OSGIN2: variants seen among roughly 807,000 people sequenced by gnomAD.
The protein encoded by OSGIN2 is oxidative stress-induced growth inhibitor 2.
A neutral mutation model predicts 53.8 loss-of-function variants in OSGIN2; 19 were observed. The ratio of observed to expected loss-of-function variants is 0.35; its 90% CI spans 0.25 to 0.52. The LOEUF is 0.52. OSGIN2 is among the 20% of genes least tolerant of loss of function. The pLI, the probability that OSGIN2 is intolerant of heterozygous loss-of-function variation, is 0.95. For synonymous variants in OSGIN2, 236 were observed against 236.0 expected, an observed-to-expected ratio of 1.00 and a Z score of 0.00; for missense variants, 520 against 662.7, an observed-to-expected ratio of 0.78 and a Z score of 2.36.
At chr8:89,913,902 A>G (rs541897059) in intron 2 of OSGIN2, among the ~76,000 whole-genome samples, 175 bp from the exon 3 acceptor site, 2 of 152,302 alleles carry the variant, frequency 1.3e-5, no homozygotes, top group East Asian at 3.9e-4. Flanking sequence ...TGAGATTCCC[A>G]AAAGAAAATA....
chr8:89,920,628 T>G (rs368292748), intron 4 of OSGIN2, among the ~76,000 whole-genome samples: 1 of 152,220 alleles, frequency 6.6e-6, no homozygotes, highest in African/African-American at 2.4e-5. Flanking sequence ...GGGAAAAGCT[T>G]CTTTGTTGCT....
chr8:89,919,690 C>T (rs1809156696), intron 4 of OSGIN2, among the ~76,000 whole-genome samples: 1 of 152,188 alleles, frequency 6.6e-6, no homozygotes, highest in Non-Finnish European at 1.5e-5. Context: ...TTAATCCTTT[C>T]AGGCACAAGG....
At chr8:89,902,980 T>G (rs1236254345) in intron 1 of OSGIN2, 143 bp downstream of exon 1, 13 of 219,392 alleles carry the variant, frequency 5.9e-5, no homozygotes, top group South Asian at 1.1e-4. Flanking sequence ...CTGCCTGGCG[T>G]GGGGGTGGGG....
rs1312671425 is a variant in OSGIN2, at chr8:89,924,956, T to G, written c.1074T>G (p.Ala358=). Residue 358 remains alanine, a synonymous_variant, in exon 6 of 6, where the codon GCT becomes GCG. Coordinates refer to ENST00000451899, the MANE Select transcript of OSGIN2 (RefSeq NM_001126111.3). The stretch of plus-strand genomic sequence containing the variant: ...TTGTAGGTTCTGGGCTTACTGCCGC[T>G]GACGCAGTACTGTGTGCTTACAACA... ...VLIVGSGLTA[A]DAVLCAYNSN... 8.7e-6 allele frequency: 14 copies of G among 1,613,924 alleles called. No individual in the cohort carries two copies. Among genetic ancestry groups the G allele is most frequent in the Non-Finnish European group, 1.2e-5 (14 of 1,179,870 alleles).
chr8:89,913,934 AT>A lies in OSGIN2; in HGVS notation c.200-142del, dbSNP rs1299438224. The stretch of plus-strand genomic sequence containing the variant: ...AATAGGAGAGAAGGCAGAGGTTAAA[AT>A]CTCATGAAACATCTGGTTTTAAGAG... On this transcript the variant is annotated intron_variant, in intron 2 of 5. Coordinates refer to ENST00000451899, the MANE Select transcript of OSGIN2 (RefSeq NM_001126111.3). 4.3e-6 allele frequency: 3 copies of A among 704,600 alleles called. No individual in the cohort carries two copies. The East Asian group carries it at 8.2e-5, about 19-fold the overall frequency. 43.6% of individuals were successfully genotyped at this position (704,600 alleles called of 1,614,324 possible).
chr8:89,909,494 G>A lies in OSGIN2; in HGVS notation c.45-73G>A, dbSNP rs555182519. ...AAATATTTTATGTCTAAATAAACTC[G>A]GAGTAGAGATTGATTTTTATAAAGG... On this transcript the variant is annotated intron_variant, in intron 1 of 5. Transcript: ENST00000451899. 32 of 729,760 alleles carry A rather than the reference G, an allele frequency of 4.4e-5. No homozygotes were observed. In the East Asian group the frequency reaches 4.9e-4, roughly 11 times the overall value. 45.2% of individuals were successfully genotyped at this position (729,760 alleles called of 1,614,324 possible).
chr8:89,913,294 C>T (rs997667395), intron 2 of OSGIN2, among the ~76,000 whole-genome samples: 1 of 152,168 alleles, frequency 6.6e-6, no homozygotes, highest in African/African-American at 2.4e-5. Context: ...CCATGATTAG[C>T]TTTGCCTATA....
intron 2 of OSGIN2, among the ~76,000 whole-genome samples, chr8:89,911,659 G>A (rs1210764706): frequency 6.7e-6 from 1 of 149,278 alleles, no homozygotes; most frequent in African/African-American, 2.5e-5. Flanking sequence ...AGAGGGCCAG[G>A]CCTGGTAGCT....
chr8:89,914,910 A>G (rs1809045072), intron 4 of OSGIN2, among the ~76,000 whole-genome samples, 164 bp downstream of exon 4: 1 of 152,242 alleles, frequency 6.6e-6, no homozygotes, highest in East Asian at 1.9e-4. Context: ...GTTTATTACA[A>G]GTAGCAGTAA....
Position 89,914,612 on chromosome 8 carries a change from C to G in OSGIN2, c.394C>G (p.Leu132Val), listed in dbSNP as rs1942148898. The change falls in exon 4 of 6, where the codon CTT becomes GTT. Residue 132 changes from leucine (L) to valine (V), a missense_variant. Transcript: ENST00000451899. ...EGRSSNPVAV[L>V]FDTLLHPDAD... ...CCGATCATCCAATCCAGTTGCAGTACTTTTCGATACACTTCTTCATCCAGA... is the reference window on the plus strand; with the variant it reads ...CCGATCATCCAATCCAGTTGCAGTAGTTTTCGATACACTTCTTCATCCAGA... 6.2e-7 allele frequency: 1 copy of G among 1,614,052 alleles called. No homozygotes were observed. The highest frequency in any genetic ancestry group is 8.5e-7 in the Non-Finnish European group (1 of 1,179,916).
intron 5 of OSGIN2, among the ~76,000 whole-genome samples, chr8:89,921,631 C>T (rs1053802804): frequency 3.3e-5 from 5 of 151,990 alleles, no homozygotes; most frequent in Non-Finnish European, 7.4e-5. Context: ...AAGCTAGAAT[C>T]TGGCTTATGG....
In OSGIN2 at chr8:89,902,625, C is replaced by G. The variant is rs527564356; in HGVS notation, c.-169C>G. On this transcript the variant is annotated 5_prime_UTR_variant, in exon 1 of 6. Transcript: ENST00000451899. The stretch of plus-strand genomic sequence containing the variant: ...GCGGAAGCCGCTATCTGGAGGCGGA[C>G]TCCGGCGCCACAGAGCCGGGGCAGC... 5.1e-5 allele frequency: 8 copies of G among 158,412 alleles called. No homozygotes were observed. The highest frequency in any genetic ancestry group is 7.2e-5 in the African/African-American group (3 of 41,556). 9.8% of individuals were successfully genotyped at this position (158,412 alleles called of 1,614,324 possible).
upstream of OSGIN2, chr8:89,902,536 T>A (rs1242926694): frequency 6.5e-6 from 1 of 152,732 alleles, no homozygotes; most frequent in African/African-American, 2.4e-5. Flanking sequence ...CCCGCCCCGC[T>A]CCGCCCCTAT....
chr8:89,907,393 G>C (rs1808861245), intron 1 of OSGIN2, among the ~76,000 whole-genome samples: 2 of 151,970 alleles, frequency 1.3e-5, no homozygotes, highest in African/African-American at 4.8e-5. Context: ...TATATAGTTT[G>C]GGGTTTTATA....
rs1021187953 is a variant in OSGIN2, at chr8:89,927,445, C to CTGA, written c.*1915_*1917dup. 2 of 152,160 alleles carry CTGA rather than the reference C, an allele frequency of 1.3e-5. No individual in the cohort carries two copies. Among genetic ancestry groups the CTGA allele is most frequent in the African/African-American group, 4.8e-5 (2 of 41,436 alleles). The allele number at this position is 152,160 out of a possible 1,614,324, so 9.4% of individuals were successfully genotyped here. ...AGTATATAACATTTGGGCATTTTCTCTGATATACTATACTCTCATGTTCTA... is the reference window on the plus strand; with the variant it reads ...AGTATATAACATTTGGGCATTTTCTCTGATGATATACTATACTCTCATGTTCTA... On this transcript the variant is annotated 3_prime_UTR_variant, in exon 6 of 6. Transcript: ENST00000451899.
Position 89,924,633 on chromosome 8 carries a change from G to T in OSGIN2, c.751G>T (p.Asp251Tyr). 1 of 1,614,018 alleles carries T rather than the reference G, an allele frequency of 6.2e-7. No homozygotes were observed. Among genetic ancestry groups the T allele is most frequent in the Non-Finnish European group, 8.5e-7 (1 of 1,179,900 alleles). Residue 251 changes from aspartate (D) to tyrosine (Y), a missense_variant, in exon 6 of 6, where the codon GAT becomes TAT. Coordinates refer to ENST00000451899, the MANE Select transcript of OSGIN2 (RefSeq NM_001126111.3). ...AACTTCCGTATCAAGACTCTACAGAGATCAAGATGATGATGATATTCAAGA... is the reference window on the plus strand; with the variant it reads ...AACTTCCGTATCAAGACTCTACAGATATCAAGATGATGATGATATTCAAGA... ...YITSVSRLYR[D>Y]QDDDDIQDRD...
chr8:89,925,113 G>A lies in OSGIN2; in HGVS notation c.1231G>A (p.Val411Ile). ...YHMMCTQSYS[V>I]DSNLLSDYTS... The stretch of plus-strand genomic sequence containing the variant: ...TATGATGTGTACTCAGTCATATTCT[G>A]TAGACTCAAATCTTTTATCTGATTA... Residue 411 changes from valine to isoleucine, a missense_variant, in exon 6 of 6, where the codon GTA becomes ATA. Physicochemically the swap from Val to Ile is conservative, Grantham distance 29 (BLOSUM62 3). Around this residue, in one of 3 missense-constraint regions of OSGIN2, gnomAD observed 239 missense variants for 328.3 expected, o/e 0.73. Transcript: ENST00000451899. 1 of 1,613,914 alleles carries A rather than the reference G, an allele frequency of 6.2e-7. No individual in the cohort carries two copies. Among genetic ancestry groups the A allele is most frequent in the South Asian group, 1.1e-5 (1 of 91,078 alleles).
intron 1 of OSGIN2, among the ~76,000 whole-genome samples, chr8:89,908,874 G>A (rs1219466190): frequency 6.6e-6 from 1 of 151,254 alleles, no homozygotes; most frequent in African/African-American, 2.4e-5. Flanking sequence ...TTAGCCAAGT[G>A]TGGTGGCACA....
At chr8:89,906,085 G>GT (rs1022757764) in intron 1 of OSGIN2, among the ~76,000 whole-genome samples, 2 of 152,164 alleles carry the variant, frequency 1.3e-5, no homozygotes, top group Non-Finnish European at 2.9e-5. Context: ...TTAATATTCT[G>GT]TTTTTTCTTT....
Sources: allele counts gnomAD v4.1 joint callset (sites outside exome capture counted in the v4.1 genomes callset), GRCh38; gene constraint gnomAD v4.1.1; regional missense constraint gnomAD v4.1.1; transcripts MANE v1.5; gene names NCBI Gene and HGNC (gene_info 2026-07-23, HGNC 2026-07-21).